The following GLRA2 variants were observed in gnomAD, a reference collection of about 807,000 sequenced individuals.
The protein encoded by GLRA2 is glycine receptor alpha 2.
Under a neutral mutation model 31.6 loss-of-function variants are expected in GLRA2, and 11 were observed. The ratio of observed to expected loss-of-function variants is 0.35; its 90% CI spans 0.22 to 0.58. The LOEUF is 0.58. GLRA2 is among the 20% of genes least tolerant of loss of function. The pLI is 0.84. For synonymous variants in GLRA2, 132 were observed against 134.0 expected, an observed-to-expected ratio of 0.99 and a Z score of 0.10; for missense variants, 212 against 351.8, an observed-to-expected ratio of 0.60 and a Z score of 3.18.
At chrX:14,501,072 TAA>T in the GLRA2 span, among the ~76,000 whole-genome samples, 3 of 89,451 alleles carry the variant, frequency 3.4e-5, no homozygotes, top group African/African-American at 8.3e-5. Flanking sequence ...GAAAAAGTAG[TAA>T]AAAAAAAAAA....
At chrX:14,467,356 G>A in the GLRA2 span, among the ~76,000 whole-genome samples, 1 of 111,976 alleles carries the variant, frequency 8.9e-6, no homozygotes, top group Non-Finnish European at 1.9e-5. Context: ...TGTGGGACCT[G>A]AGTAGTACTA....
At chrX:14,694,193 G>C (rs2091406688) in intron 8 of GLRA2, among the ~76,000 whole-genome samples, 1 of 111,833 alleles carries the variant, frequency 8.9e-6, no homozygotes, top group Admixed American at 9.5e-5. Flanking sequence ...AGTAGTTTAA[G>C]GTAGGTGAGG....
chrX:14,606,195 C>CCAAG (rs2090332463), intron 5 of GLRA2, among the ~76,000 whole-genome samples: 1 of 107,295 alleles, frequency 9.3e-6, no homozygotes, highest in African/African-American at 3.4e-5. Context: ...TTTTGGCCAG[C>CCAAG]CAAGACCTCA....
the GLRA2 span, among the ~76,000 whole-genome samples, chrX:14,481,031 C>T: frequency 9.0e-6 from 1 of 110,900 alleles, no homozygotes; most frequent in Non-Finnish European, 1.9e-5. Flanking sequence ...TTCCATTTGT[C>T]TCATCTATGG....
At position 14,655,420 on chromosome X, in the gene GLRA2, C is replaced by A. The variant is rs186675525; in HGVS notation, c.931-35290C>A. 4.5e-5 allele frequency among the ~76,000 whole-genome samples: 5 copies of A among 111,499 alleles called. No individual in the cohort carries two copies. In the East Asian group the frequency reaches 1.4e-3, roughly 32 times the overall value. On this transcript the variant is annotated intron_variant, in intron 7 of 8. Transcript: ENST00000218075. ...CCCACTGTAATCTGGGCGAGGTCACCTGTAACAGGCTTAACTTCATTTTTG... is the reference window on the plus strand; with the variant it reads ...CCCACTGTAATCTGGGCGAGGTCACATGTAACAGGCTTAACTTCATTTTTG...
At chrX:14,718,879 A>G (rs1310806787) in intron 8 of GLRA2, among the ~76,000 whole-genome samples, 1 of 111,892 alleles carries the variant, frequency 8.9e-6, no homozygotes, top group Non-Finnish European at 1.9e-5. Context: ...ACTGCATTCT[A>G]TTACTTACAA....
Position 14,690,689 on chromosome X carries a change from GTGTCTC to G in GLRA2, c.931-19_931-14del. 1.9e-6 allele frequency: 2 copies of G among 1,033,377 alleles called. No homozygotes were observed. Among genetic ancestry groups the G allele is most frequent in the Non-Finnish European group, 2.7e-6 (2 of 734,524 alleles). 85.2% of individuals were successfully genotyped at this position (1,033,377 alleles called of 1,213,427 possible). A position where few individuals can be genotyped will look rare whatever the true frequency, so the allele number is the denominator to read the frequency against. ...TCTCTCTCTCTCTCTGTGTGTGTGT[GTGTCTC>G]TCTCTCTCTCTCAGGTCTCCTATGT... is the stretch of plus-strand genomic sequence containing the variant. On this transcript the variant is annotated splice_polypyrimidine_tract_variant and intron_variant, in intron 7 of 8. Coordinates refer to ENST00000218075, the MANE Select transcript of GLRA2 (RefSeq NM_002063.4).
At chrX:14,488,588 C>A in the GLRA2 span, among the ~76,000 whole-genome samples, 47 of 112,450 alleles carry the variant, frequency 4.2e-4, no homozygotes, top group Non-Finnish European at 7.7e-4. Context: ...CATTTTAAAG[C>A]CACAAATGTT....
chrX:14,531,266 G>A, intron 1 of GLRA2: 1 of 425,741 alleles, frequency 2.3e-6, no homozygotes, highest in East Asian at 9.7e-5. Context: ...CCCCTTCTTT[G>A]AAAAGCTGGC....
intron 7 of GLRA2, among the ~76,000 whole-genome samples, chrX:14,633,981 C>T (rs981732540): frequency 9.0e-6 from 1 of 111,599 alleles, no homozygotes; most frequent in Non-Finnish European, 1.9e-5. Flanking sequence ...TGGAGTCTCA[C>T]TCTGTCGCCC....
At chrX:14,511,320 A>T in the GLRA2 span, among the ~76,000 whole-genome samples, 1 of 111,999 alleles carries the variant, frequency 8.9e-6, no homozygotes, top group Non-Finnish European at 1.9e-5. Flanking sequence ...AAGCAAACAC[A>T]ATTCAATATT....
rs920343244 is a variant in GLRA2, at chrX:14,730,464, T to A, written c.1338T>A (p.His446Gln). ...FYWITYKIIRHEDVHKK is the reference protein window; with the variant it reads ...FYWITYKIIRQEDVHKK ...GGATCACATACAAGATCATTCGGCATGAAGATGTCCACAAGAAATAGATGT... is the reference window on the plus strand; with the variant it reads ...GGATCACATACAAGATCATTCGGCAAGAAGATGTCCACAAGAAATAGATGT... The change falls in exon 9 of 9, where the codon CAT becomes CAA. Residue 446 changes from histidine to glutamine, a missense_variant. His to Gln is a conservative substitution (Grantham distance 24). This residue lies in a region of GLRA2 where 42 missense variants were observed against 52.0 expected (regional missense o/e 0.81). Transcript: ENST00000218075. The A allele has an allele frequency of 2.5e-6, 3 of 1,206,914 alleles. No individual in the cohort carries two copies. Among genetic ancestry groups the A allele is most frequent in the Non-Finnish European group, 3.4e-6 (3 of 891,907 alleles).
intron 7 of GLRA2, among the ~76,000 whole-genome samples, chrX:14,670,350 G>A (rs891407414): frequency 1.8e-5 from 2 of 112,046 alleles, no homozygotes; most frequent in Non-Finnish European, 3.8e-5. Context: ...CAGTTGCAAA[G>A]TCACTTCCAT....
the GLRA2 span, among the ~76,000 whole-genome samples, chrX:14,477,916 A>G: frequency 1.8e-5 from 2 of 110,963 alleles, no homozygotes; most frequent in Non-Finnish European, 1.9e-5. Context: ...CCAGACTTGA[A>G]GTTGTGACCT....
the GLRA2 span, among the ~76,000 whole-genome samples, chrX:14,511,718 C>T: frequency 8.9e-6 from 1 of 111,951 alleles, no homozygotes; most frequent in African/African-American, 3.2e-5. Context: ...GAGGTTATTA[C>T]ATAAATAGCT....
chrX:14,455,090 G>A, the GLRA2 span, among the ~76,000 whole-genome samples: 1 of 111,494 alleles, frequency 9.0e-6, no homozygotes, highest in Non-Finnish European at 1.9e-5. Flanking sequence ...AGTGGTGCTA[G>A]TAGCTTTACC....
At chrX:14,454,755 A>C in the GLRA2 span, among the ~76,000 whole-genome samples, 2 of 111,584 alleles carry the variant, frequency 1.8e-5, no homozygotes, top group Non-Finnish European at 3.8e-5. Flanking sequence ...CAAATATAGC[A>C]CTTGAAATAA....
chrX:14,729,821 A>C (rs2091970726), intron 8 of GLRA2, among the ~76,000 whole-genome samples: 1 of 111,758 alleles, frequency 8.9e-6, no homozygotes, highest in Non-Finnish European at 1.9e-5. Flanking sequence ...TGAATGAATG[A>C]ATGAATGAAT....
At chrX:14,587,905 A>ATT (rs143523144) in intron 4 of GLRA2, among the ~76,000 whole-genome samples, 1 of 98,474 alleles carries the variant, frequency 1.0e-5, no homozygotes, top group African/African-American at 3.7e-5. Context: ...TCTGTCTAGG[A>ATT]TTTTTTTTTT....
Sources: allele counts gnomAD v4.1 joint callset (sites outside exome capture counted in the v4.1 genomes callset), GRCh38; gene constraint gnomAD v4.1.1; regional missense constraint gnomAD v4.1.1; transcripts MANE v1.5; gene names NCBI Gene and HGNC (gene_info 2026-07-23, HGNC 2026-07-21).